The following MGST2 variants were observed in gnomAD, a reference collection of about 807,000 sequenced individuals.
The protein encoded by MGST2 is glutathione peroxidase MGST2.
MGST2 carries 9 observed loss-of-function variants against 16.6 expected under a neutral mutation model. The ratio of observed to expected loss-of-function variants is 0.54; its 90% CI spans 0.33 to 0.95. The LOEUF (loss-of-function observed/expected upper bound fraction) is 0.95. Among genes scored for constraint, MGST2 ranks in the 40% least tolerant of loss-of-function variants. MGST2 has a pLI of 0.03. For missense variants in MGST2, 159 were observed against 175.1 expected (o/e 0.91, Z 0.52); for synonymous variants, 79 against 68.0 (o/e 1.16, Z -0.79).
chr4:139,727,690 T>C (rs1195492546), intron 5 of MGST2, among the ~76,000 whole-genome samples: 4 of 152,232 alleles, frequency 2.6e-5, no homozygotes, highest in African/African-American at 9.6e-5. Context: ...GAATACGGCA[T>C]TAAATGTGAA....
At chr4:139,716,924 T>G (rs1432716946) in intron 5 of MGST2, 1 of 152,614 alleles carries the variant, frequency 6.6e-6, no homozygotes, top group Non-Finnish European at 1.5e-5. Context: ...ATGGAGCAAG[T>G]TGCCAGAGGT....
Position 139,670,493 on chromosome 4 carries a change from G to C in MGST2, c.58+4416G>C, listed in dbSNP as rs551091157. ...GTATCTATTGGTTCGGCCCCAAAAG[G>C]TGGGATATCTTAAAGCCAGGGGGCT... On this transcript the variant is annotated intron_variant, in intron 1 of 4. Coordinates refer to ENST00000265498, the MANE Select transcript of MGST2 (RefSeq NM_002413.5). Among the ~76,000 whole-genome samples, 3 of 152,268 alleles carry C rather than the reference G, an allele frequency of 2.0e-5. No homozygotes were observed. In the South Asian group the frequency reaches 6.2e-4, roughly 32 times the overall value.
chr4:139,665,878 C>G lies in MGST2; in HGVS notation c.-142C>G. The G allele has an allele frequency of 3.7e-6, 3 of 804,508 alleles. No individual in the cohort carries two copies. The highest frequency in any genetic ancestry group is 1.5e-5 in the South Asian group (1 of 68,596). The allele number at this position is 804,508 out of a possible 1,614,324, so 49.8% of individuals were successfully genotyped here. A position where few individuals can be genotyped will look rare whatever the true frequency, so the allele number is the denominator to read the frequency against. On this transcript the variant is annotated 5_prime_UTR_variant, in exon 1 of 5. Transcript: ENST00000265498. ...TGCCTTCCTGACTTCTGTTCCAGAG[C>G]AAAGGTCATTCAGCCGCTTGAATCA...
chr4:139,730,378 CTGAA>C (rs774150163), intron 5 of MGST2: 45 of 1,532,754 alleles, frequency 2.9e-5, no homozygotes, highest in Non-Finnish European at 3.2e-5. Context: ...TAAGTGCTTG[CTGAA>C]TGAATGAATG....
intron 5 of MGST2, among the ~76,000 whole-genome samples, chr4:139,728,559 G>A (rs1006168762): frequency 1.3e-4 from 20 of 152,192 alleles, no homozygotes; most frequent in African/African-American, 4.6e-4. Context: ...ACATGCAAAA[G>A]AACGGACAAA....
chr4:139,717,350 A>ATGTT (rs2110944552), intron 5 of MGST2: 1 of 152,532 alleles, frequency 6.6e-6, no homozygotes, highest in East Asian at 1.9e-4. Flanking sequence ...AAAGGTAATT[A>ATGTT]TGTTTTGTGT....
downstream of MGST2, among the ~76,000 whole-genome samples, chr4:139,743,312 C>T (rs983327837): frequency 2.0e-4 from 31 of 152,348 alleles, no homozygotes; most frequent in Admixed American, 1.8e-3. Context: ...ACCTGCTGTT[C>T]AGGAGACTTC....
At position 139,729,350 on chromosome 4, in the gene MGST2, T is replaced by A. The variant is rs548723251; in HGVS notation, c.*49-10862T>A. Among the ~76,000 whole-genome samples the A allele has an allele frequency of 6.3e-3, 956 of 152,242 alleles. 6 individuals are homozygous for A. The highest frequency in any genetic ancestry group is 0.011 in the Non-Finnish European group (781 of 67,998). On this transcript the variant is annotated intron_variant, in intron 5 of 5. Coordinates refer to the MGST2 transcript ENST00000616265. ...TTTGCAAAATTCTGGCAGGGCGTGG[T>A]GGCTCACATCTGTAATCCTAGCACT...
chr4:139,742,395 C>T (rs7692273), downstream of MGST2, among the ~76,000 whole-genome samples: 107,299 of 152,040 alleles, frequency 0.71, 38,524 homozygotes, highest in Non-Finnish European at 0.79. Flanking sequence ...GTAATCTGCC[C>T]GCCTTGGCCT....
At chr4:139,722,402 T>C (rs187566973) in intron 5 of MGST2, among the ~76,000 whole-genome samples, 110 of 152,326 alleles carry the variant, frequency 7.2e-4, no homozygotes, top group African/African-American at 2.5e-3. Context: ...TTCAGATGTG[T>C]CCAAGGAATT....
intron 5 of MGST2, among the ~76,000 whole-genome samples, chr4:139,721,506 G>C (rs1728232337): frequency 1.3e-5 from 2 of 152,200 alleles, no homozygotes; most frequent in South Asian, 4.1e-4. Flanking sequence ...AACCAGATGA[G>C]AATAGTCTAA....
chr4:139,708,159 T>C (rs1290264136), downstream of MGST2, among the ~76,000 whole-genome samples: 1 of 152,238 alleles, frequency 6.6e-6, no homozygotes, highest in South Asian at 2.1e-4. Context: ...CTGAATGATA[T>C]TGCCTAGGTT....
chr4:139,677,969 CT>C (rs1731049028), intron 1 of MGST2, among the ~76,000 whole-genome samples: 1 of 152,206 alleles, frequency 6.6e-6, no homozygotes, highest in Non-Finnish European at 1.5e-5. Flanking sequence ...GAGTTCTCAG[CT>C]TGACTTTTCC....
At chr4:139,705,350 G>T (rs1482747550), downstream of MGST2, among the ~76,000 whole-genome samples, 1 of 152,180 alleles carries the variant, frequency 6.6e-6, no homozygotes, top group South Asian at 2.1e-4. Flanking sequence ...AAAAGTCCTT[G>T]GGCATGTCCA....
At chr4:139,666,972 A>G (rs1205985063) in intron 1 of MGST2, among the ~76,000 whole-genome samples, 2 of 152,230 alleles carry the variant, frequency 1.3e-5, no homozygotes, top group Non-Finnish European at 2.9e-5. Flanking sequence ...CTTCAGACTC[A>G]CGTTTTGTGG....
chr4:139,705,057 A>G (rs1727467710), downstream of MGST2, among the ~76,000 whole-genome samples: 1 of 152,202 alleles, frequency 6.6e-6, no homozygotes, highest in East Asian at 1.9e-4. Context: ...AAAGAAATTT[A>G]ATTTTAAAAA....
chr4:139,744,151 G>C (rs1212191605), downstream of MGST2, among the ~76,000 whole-genome samples: 3 of 152,234 alleles, frequency 2.0e-5, no homozygotes, highest in Non-Finnish European at 2.9e-5. Context: ...TCTGCTAAGA[G>C]ACTTAGATAA....
the MGST2 span, among the ~76,000 whole-genome samples, chr4:139,753,852 A>G: frequency 6.6e-6 from 1 of 152,200 alleles, no homozygotes. Context: ...CTGGCCCTCA[A>G]GGAACTCCTA....
chr4:139,746,634 T>C, the MGST2 span, among the ~76,000 whole-genome samples: 4 of 152,142 alleles, frequency 2.6e-5, no homozygotes, highest in Non-Finnish European at 4.4e-5. Flanking sequence ...CCATGGTCTT[T>C]CCCACAGTAT....
Sources: gnomAD v4.1 joint callset for allele counts (sites outside exome capture counted in the v4.1 genomes callset) on GRCh38, gnomAD v4.1.1 for gene constraint, MANE v1.5 for transcripts, NCBI Gene and HGNC (gene_info 2026-07-23, HGNC 2026-07-21) for gene names.